The following FSHR variants were observed in gnomAD, a reference collection of about 807,000 sequenced individuals.
The protein encoded by FSHR is follicle stimulating hormone receptor, also known as follicle-stimulating hormone receptor.
Under a neutral mutation model 52.1 loss-of-function variants are expected in FSHR, and 46 were observed. That is an observed-to-expected ratio of 0.88 (90% CI 0.70 to 1.13). The LOEUF is 1.13. Ranked by LOEUF, FSHR falls within the 50% of genes most tolerant of loss-of-function variation. FSHR has a pLI of 0.00. For missense variants in FSHR, 964 were observed against 834.6 expected (o/e 1.16, Z -1.91); for synonymous variants, 399 against 309.6 (o/e 1.29, Z -3.03).
intron 8 of FSHR, among the ~76,000 whole-genome samples, chr2:48,981,193 C>T (rs1675231100): frequency 6.6e-6 from 1 of 152,054 alleles, no homozygotes; most frequent in African/African-American, 2.4e-5. Flanking sequence ...ATTTGTTAGC[C>T]CTGGGTCCTT....
intron 1 of FSHR, among the ~76,000 whole-genome samples, chr2:49,093,778 G>T (rs1471711474): frequency 6.6e-6 from 1 of 151,770 alleles, no homozygotes; most frequent in Non-Finnish European, 1.5e-5. Context: ...AATATTTTTA[G>T]TAGAGACCGA....
At chr2:49,004,015 A>G (rs1666997044) in intron 4 of FSHR, among the ~76,000 whole-genome samples, 1 of 152,192 alleles carries the variant, frequency 6.6e-6, no homozygotes, top group African/African-American at 2.4e-5. Flanking sequence ...TAGTGGAATA[A>G]GAGGCAACAG....
At chr2:49,133,237 T>G (rs1438920381) in intron 1 of FSHR, among the ~76,000 whole-genome samples, 1 of 152,200 alleles carries the variant, frequency 6.6e-6, no homozygotes, top group Non-Finnish European at 1.5e-5. Context: ...GGTCCCCTTC[T>G]TCTGACCAAG....
In FSHR at chr2:48,988,452, C is replaced by G. The variant is rs1241525227; in HGVS notation, c.524+525G>C. 3.3e-5 allele frequency among the ~76,000 whole-genome samples: 5 copies of G among 152,288 alleles called. No homozygotes were observed. In the South Asian group the frequency reaches 6.2e-4, roughly 19 times the overall value. On this transcript the variant is annotated intron_variant, in intron 6 of 9. Coordinates refer to ENST00000406846, the MANE Select transcript of FSHR (RefSeq NM_000145.4). ...GCATAAAAGAGTAGAAGGTCTTTCA[C>G]TAACAACACAGAATGCTTTTAAGAG...
chr2:49,139,472 T>A (rs1337042837), intron 1 of FSHR, among the ~76,000 whole-genome samples: 1 of 152,166 alleles, frequency 6.6e-6, no homozygotes, highest in African/African-American at 2.4e-5. Context: ...CAAACCAAGC[T>A]GACCATGGAA....
At chr2:49,121,054 G>T (rs1036131617) in intron 1 of FSHR, among the ~76,000 whole-genome samples, 2 of 152,184 alleles carry the variant, frequency 1.3e-5, no homozygotes, top group African/African-American at 2.4e-5. Context: ...ACCTAACATG[G>T]TCATCCTTTG....
intron 4 of FSHR, among the ~76,000 whole-genome samples, chr2:49,008,596 C>T (rs1393576639): frequency 2.9e-4 from 43 of 148,370 alleles, no homozygotes; most frequent in African/African-American, 1.0e-3. Context: ...CCTGAGGAAT[C>T]GCCACACTGA....
intron 1 of FSHR, among the ~76,000 whole-genome samples, chr2:49,127,820 CTTCTTCT>C (rs1672086924): frequency 2.7e-4 from 14 of 51,460 alleles, no homozygotes; most frequent in African/African-American, 1.1e-3. Flanking sequence ...TCTTCTTCTT[CTTCTTCT>C]TCCTCTTCTT....
chr2:49,068,129 C>G lies in FSHR; in HGVS notation c.224+90G>C, dbSNP rs1669579570. 3 of 968,790 alleles carry G rather than the reference C, an allele frequency of 3.1e-6. No homozygotes were observed. In the African/African-American group the frequency reaches 4.9e-5, roughly 16 times the overall value. 60.0% of individuals were successfully genotyped at this position (968,790 alleles called of 1,614,324 possible). ...TTGGCTGACCATGTCAGTTCGGCTA[C>G]TAAGTGCAGATAGTCATACTAGATG... On this transcript the variant is annotated intron_variant, in intron 2 of 9. Transcript: ENST00000406846.
At chr2:49,042,795 A>G (rs1269523360) in intron 2 of FSHR, among the ~76,000 whole-genome samples, 1 of 152,196 alleles carries the variant, frequency 6.6e-6, no homozygotes, top group African/African-American at 2.4e-5. Flanking sequence ...TTAATGAGGA[A>G]GGCCTGAAGA....
At position 49,104,617 on chromosome 2, in the gene FSHR, T is replaced by G. The variant is rs549329726; in HGVS notation, c.153-36327A>C. Among the ~76,000 whole-genome samples, 3 of 152,258 alleles carry G rather than the reference T, an allele frequency of 2.0e-5. No homozygotes were observed. In the East Asian group the frequency reaches 5.8e-4, roughly 29 times the overall value. On this transcript the variant is annotated intron_variant, in intron 1 of 9. Transcript: ENST00000406846. The stretch of plus-strand genomic sequence containing the variant: ...GTGAAAAATGGTTTGCAGAAAGATA[T>G]CGTGTTCCAAAGGGCATGTAGAGTG...
At chr2:49,079,172 A>G (rs1670068253) in intron 1 of FSHR, among the ~76,000 whole-genome samples, 2 of 151,968 alleles carry the variant, frequency 1.3e-5, no homozygotes, top group Non-Finnish European at 2.9e-5. Flanking sequence ...TTAGTCTAAG[A>G]AAAAAACAGG....
intron 8 of FSHR, among the ~76,000 whole-genome samples, chr2:48,979,720 C>G (rs569971314): frequency 1.3e-5 from 2 of 152,116 alleles, no homozygotes; most frequent in South Asian, 4.2e-4. Flanking sequence ...AATGCATTAC[C>G]CTGATTCTGC....
intron 4 of FSHR, among the ~76,000 whole-genome samples, chr2:49,013,816 A>G (rs1028381532): frequency 2.6e-5 from 4 of 151,988 alleles, no homozygotes; most frequent in African/African-American, 4.8e-5. Flanking sequence ...CTAACCCTCA[A>G]TGTGATGATA....
chr2:49,057,176 A>G (rs1669093802), intron 2 of FSHR, among the ~76,000 whole-genome samples: 1 of 152,118 alleles, frequency 6.6e-6, no homozygotes, highest in South Asian at 2.1e-4. Flanking sequence ...CAGAGCAGAA[A>G]TAAATGAAAT....
intron 1 of FSHR, among the ~76,000 whole-genome samples, chr2:49,131,057 C>A (rs1672246091): frequency 6.6e-6 from 1 of 151,992 alleles, no homozygotes; most frequent in Non-Finnish European, 1.5e-5. Flanking sequence ...CAGAGTGATG[C>A]AAAAATAAAA....
chr2:48,974,328 T>G (rs953615802), intron 8 of FSHR, among the ~76,000 whole-genome samples: 2 of 152,226 alleles, frequency 1.3e-5, no homozygotes, highest in African/African-American at 4.8e-5. Flanking sequence ...GGAAGCCTCC[T>G]TGGTAAACTT....
chr2:49,119,475 C>G (rs1315862034), intron 1 of FSHR, among the ~76,000 whole-genome samples: 7 of 151,370 alleles, frequency 4.6e-5, no homozygotes, highest in African/African-American at 1.7e-4. Context: ...TTCTTAATTT[C>G]CCTTTTAAGC....
At chr2:49,079,211 A>G (rs1226835101) in intron 1 of FSHR, among the ~76,000 whole-genome samples, 1 of 152,158 alleles carries the variant, frequency 6.6e-6, no homozygotes, top group African/African-American at 2.4e-5. Context: ...GTAATCAAAT[A>G]CTTAATTGAA....
Sources: allele counts gnomAD v4.1 joint callset (sites outside exome capture counted in the v4.1 genomes callset), GRCh38; gene constraint gnomAD v4.1.1; transcripts MANE v1.5; gene names NCBI Gene and HGNC (gene_info 2026-07-23, HGNC 2026-07-21).